The following FRS3 variants were observed in gnomAD, a reference collection of about 807,000 sequenced individuals.
FRS3 encodes FGFR substrate 3.
In FRS3, 17 loss-of-function variants were observed where a neutral mutation model predicts 41.9. The observed-to-expected ratio is 0.41, with a 90% CI of 0.28 to 0.61. FRS3 has a LOEUF of 0.61. Ranked by LOEUF, FRS3 falls within the 20% of genes least tolerant of loss-of-function variation. The pLI is 0.36. For missense variants in FRS3, 619 were observed against 672.1 expected, an observed-to-expected ratio of 0.92 and a Z score of 0.87; for synonymous variants, 287 against 274.5, an observed-to-expected ratio of 1.05 and a Z score of -0.45.
intron 4 of FRS3, among the ~76,000 whole-genome samples, 154 bp downstream of exon 4, chr6:41,775,265 C>T (rs1772384817): frequency 6.6e-6 from 1 of 152,230 alleles, no homozygotes; most frequent in African/African-American, 2.4e-5. Context: ...TAACCTACCA[C>T]CCCTGACCTC....
rs781671519 is a variant in FRS3, at chr6:41,770,925, G to A, written c.1173C>T (p.Thr391=). 1.3e-5 allele frequency: 21 copies of A among 1,612,090 alleles called. No homozygotes were observed. The highest frequency in any genetic ancestry group is 2.2e-5 in the East Asian group (1 of 44,882). Residue 391 remains threonine, a synonymous_variant, in exon 7 of 7, where the codon ACC becomes ACT. Coordinates refer to ENST00000373018, the MANE Select transcript of FRS3 (RefSeq NM_006653.5). The stretch of plus-strand genomic sequence containing the variant: ...AGACCCTTGGGGAGCCGCGGCGGCG[G>A]GTCAGTGGCACAGGAAAGCTGCCGT... The part of the protein sequence containing the change: ...RSHGSFPVPL[T]RRRGSPRVFN...
rs759270646 is a variant in FRS3 at position 41,772,818 on chromosome 6, C to A, written c.395G>T (p.Arg132Leu). Residue 132 changes from arginine to leucine, a missense_variant, in exon 5 of 7, where the codon CGA becomes CTA. Arg to Leu is a moderately radical substitution (Grantham distance 102). This residue lies in a region of FRS3 where 487 missense variants were observed against 478.3 expected (regional missense o/e 1.02). Coordinates refer to ENST00000373018, the MANE Select transcript of FRS3 (RefSeq NM_006653.5). ...NSHPAELDLP[R>L]APQPPNALGY... Reference sequence around the variant, plus strand: ...CTCACCATTGGGTGGCTGGGGGGCTCGAGGGAGGTCAAGCTCAGCGGGGTG... The same window carrying A: ...CTCACCATTGGGTGGCTGGGGGGCTAGAGGGAGGTCAAGCTCAGCGGGGTG... The A allele has an allele frequency of 1.1e-5, 17 of 1,609,512 alleles. No homozygotes were observed. In the South Asian group the frequency reaches 1.9e-4, roughly 18 times the overall value.
chr6:41,772,174 CT>C (rs1772313454), intron 5 of FRS3, among the ~76,000 whole-genome samples: 1 of 152,196 alleles, frequency 6.6e-6, no homozygotes, highest in Non-Finnish European at 1.5e-5. Flanking sequence ...TCAAGCTCAG[CT>C]TGAAGCACCT....
Position 41,770,464 on chromosome 6 carries a change from T to C in FRS3, c.*155A>G, listed in dbSNP as rs1480805325. The C allele has an allele frequency of 1.5e-6, 1 of 679,454 alleles. No homozygotes were observed. Among genetic ancestry groups the C allele is most frequent in the East Asian group, 2.7e-5 (1 of 36,712 alleles). The allele number at this position is 679,454 out of a possible 1,614,324, so 42.1% of individuals were successfully genotyped here. A position where few individuals can be genotyped will look rare whatever the true frequency, so the allele number is the denominator to read the frequency against. On this transcript the variant is annotated 3_prime_UTR_variant, in exon 7 of 7. Coordinates refer to ENST00000373018, the MANE Select transcript of FRS3 (RefSeq NM_006653.5). The stretch of plus-strand genomic sequence containing the variant: ...CAGGAGACTCGGTGGCTGATATCTC[T>C]GGGGACTCCAGCCAGCACAGGGAAG...
At position 41,770,832 on chromosome 6, in the gene FRS3, T is replaced by A; in HGVS notation, c.1266A>T (p.Leu422=). The change falls in exon 7 of 7, where the codon CTA becomes CTT. Residue 422 remains leucine (L), a synonymous_variant. Transcript: ENST00000373018. ...TAGGGCGGTCTCCACCCCAGCCCTT[T>A]AGCTCCACCTGGATGTAGTTAAGCT... ...PRQLNYIQVE[L]KGWGGDRPKG... is the part of the protein sequence containing the mutation. The A allele has an allele frequency of 6.2e-7, 1 of 1,610,338 alleles. No individual in the cohort carries two copies. The highest frequency in any genetic ancestry group is 8.5e-7 in the Non-Finnish European group (1 of 1,179,632).
intron 6 of FRS3, 124 bp from the exon 7 acceptor site, chr6:41,771,657 C>T: frequency 8.7e-7 from 1 of 1,155,270 alleles, no homozygotes; most frequent in Non-Finnish European, 1.2e-6. Flanking sequence ...CCTTGTCCTC[C>T]AACCCTTCTG....
chr6:41,776,532 T>G (rs936343779), intron 3 of FRS3: 12 of 165,132 alleles, frequency 7.3e-5, no homozygotes, highest in Non-Finnish European at 1.5e-4. Context: ...AAAGTGCTGG[T>G]ATTACAGGTG....
rs2127302973 is a variant in FRS3 at position 41,779,889 on chromosome 6, T to G, written c.-241A>C. The G allele has an allele frequency of 6.7e-6, 1 of 148,714 alleles. No individual in the cohort carries two copies. Among genetic ancestry groups the G allele is most frequent in the East Asian group, 2.0e-4 (1 of 4,986 alleles). 9.2% of individuals were successfully genotyped at this position (148,714 alleles called of 1,614,324 possible). The stretch of plus-strand genomic sequence containing the variant: ...GCAGCAGCCGCCGCCCGCCCGGAGC[T>G]AAGGCCTCCCCGCCCCGCCCCGCCC... On this transcript the variant is annotated 5_prime_UTR_variant, in exon 1 of 7. Coordinates refer to ENST00000373018, the MANE Select transcript of FRS3 (RefSeq NM_006653.5).
intron 4 of FRS3, 120 bp downstream of exon 4, chr6:41,775,299 A>G: frequency 1.4e-6 from 1 of 730,534 alleles, no homozygotes. Flanking sequence ...AATACATCAC[A>G]CTCTACTGCC....
chr6:41,775,127 A>G (rs898158423), intron 4 of FRS3, among the ~76,000 whole-genome samples: 20 of 152,118 alleles, frequency 1.3e-4, no homozygotes, highest in Admixed American at 1.3e-3. Context: ...CATAATCCCA[A>G]ACTGCACTGA....
Position 41,771,404 on chromosome 6 carries a change from G to C in FRS3, c.694C>G (p.Gln232Glu), listed in dbSNP as rs753630899. The C allele has an allele frequency of 1.9e-6, 3 of 1,613,672 alleles. No individual in the cohort carries two copies. In the Admixed American group the frequency reaches 5.0e-5, roughly 27 times the overall value. The change falls in exon 7 of 7, where the codon CAG becomes GAG. Residue 232 changes from glutamine to glutamate, a missense_variant. By Grantham distance (29) the Gln-to-Glu change is conservative. This residue lies in a region of FRS3 where 487 missense variants were observed against 478.3 expected (regional missense o/e 1.02). Coordinates refer to ENST00000373018, the MANE Select transcript of FRS3 (RefSeq NM_006653.5). ...QARGPDQRDP[Q>E]VFLQPGQVKF... The stretch of plus-strand genomic sequence containing the variant: ...ACCTGGCCTGGCTGCAAGAACACCT[G>C]TGGGTCCCGTTGGTCAGGTCCCCGG...
intron 2 of FRS3, 125 bp from the exon 3 acceptor site, chr6:41,777,135 A>AC (rs919684215): frequency 6.1e-5 from 40 of 654,888 alleles, no homozygotes; most frequent in African/African-American, 2.0e-4. Context: ...TGTGATACAG[A>AC]CCCCCCCTCA....
At chr6:41,774,100 C>T (rs1772363577) in intron 4 of FRS3, among the ~76,000 whole-genome samples, 1 of 152,028 alleles carries the variant, frequency 6.6e-6, no homozygotes, top group Non-Finnish European at 1.5e-5. Flanking sequence ...CAGGTGCCCG[C>T]TACCATGCCC....
At chr6:41,778,625 G>A (rs920688314) in intron 1 of FRS3, among the ~76,000 whole-genome samples, 2 of 151,404 alleles carry the variant, frequency 1.3e-5, no homozygotes, top group East Asian at 1.9e-4. Flanking sequence ...TTAAGTCAAC[G>A]CCCCCCCCAA....
At chr6:41,775,029 A>G (rs771774075) in intron 4 of FRS3, among the ~76,000 whole-genome samples, 8 of 152,112 alleles carry the variant, frequency 5.3e-5, no homozygotes, top group Non-Finnish European at 1.2e-4. Context: ...CATGGAGGGA[A>G]GTCTCCTCCA....
At chr6:41,777,876 G>C (rs1315407485) in intron 2 of FRS3, 157 bp downstream of exon 2, 1 of 152,380 alleles carries the variant, frequency 6.6e-6, no homozygotes, top group South Asian at 2.1e-4. Context: ...AAGTTTTAAG[G>C]GGTTGCAACT....
Position 41,770,615 on chromosome 6 carries a change from G to A in FRS3, c.*4C>T, listed in dbSNP as rs752476650. The A allele has an allele frequency of 1.2e-6, 2 of 1,613,918 alleles. No individual in the cohort carries two copies. Among genetic ancestry groups the A allele is most frequent in the Non-Finnish European group, 1.7e-6 (2 of 1,179,856 alleles). ...GGCAGAGGGTGGTGAGGACCGGGAA[G>A]TCCCTACAGAGGCAGGTCGGTGCTG... On this transcript the variant is annotated 3_prime_UTR_variant, in exon 7 of 7. Coordinates refer to ENST00000373018, the MANE Select transcript of FRS3 (RefSeq NM_006653.5).
At position 41,771,490 on chromosome 6, in the gene FRS3, C is replaced by A. The variant is rs746455483; in HGVS notation, c.608G>T (p.Arg203Leu). 2 of 1,571,302 alleles carry A rather than the reference C, an allele frequency of 1.3e-6. No individual in the cohort carries two copies. Among genetic ancestry groups the A allele is most frequent in the Admixed American group, 1.8e-5 (1 of 55,540 alleles). ...VNTPASEDDHRRGRHCLQPLP... is the reference protein window; with the variant it reads ...VNTPASEDDHLRGRHCLQPLP... ...GGGCTGCAGGCAGTGGCGGCCCCTG[C>A]GGTGGTCATCTTCACTGGCCGGTGT... is the stretch of plus-strand genomic sequence containing the variant. The change falls in exon 7 of 7, where the codon CGC (arginine) becomes CTC (leucine). Residue 203 changes from arginine (R) to leucine (L), a missense_variant. Arg to Leu is a moderately radical substitution (Grantham distance 102). Coordinates refer to ENST00000373018, the MANE Select transcript of FRS3 (RefSeq NM_006653.5).
intron 2 of FRS3, 74 bp from the exon 3 acceptor site, chr6:41,777,084 G>C (rs1772428273): frequency 4.9e-6 from 5 of 1,013,680 alleles, no homozygotes; most frequent in Non-Finnish European, 7.7e-6. Flanking sequence ...AACTTGGGCA[G>C]AAGCACGTCA....
Sources: allele counts gnomAD v4.1 joint callset (sites outside exome capture counted in the v4.1 genomes callset), GRCh38; gene constraint gnomAD v4.1.1; regional missense constraint gnomAD v4.1.1; transcripts MANE v1.5; gene names NCBI Gene and HGNC (gene_info 2026-07-23, HGNC 2026-07-21).